The following KCNJ6 variants were observed in gnomAD, a reference collection of about 807,000 sequenced individuals.
The protein encoded by KCNJ6 is potassium inwardly rectifying channel subfamily J member 6.
Under a neutral mutation model 34.2 loss-of-function variants are expected in KCNJ6, and 9 were observed. The observed-to-expected ratio is 0.26, with a 90% confidence interval of 0.16 to 0.46. KCNJ6 has a LOEUF of 0.46. KCNJ6 is among the 20% of genes least tolerant of loss of function. The pLI is 1.00. For synonymous variants in KCNJ6, 196 were observed against 207.1 expected, an observed-to-expected ratio of 0.95 and a Z score of 0.46; for missense variants, 236 against 531.3, an observed-to-expected ratio of 0.44 and a Z score of 5.46.
rs888262793 is a variant in KCNJ6, at chr21:37,613,550, A to C, written c.*11609T>G. 4 of 152,218 alleles carry C rather than the reference A, an allele frequency of 2.6e-5. No individual in the cohort carries two copies. Among genetic ancestry groups the C allele is most frequent in the African/African-American group, 9.6e-5 (4 of 41,454 alleles). The allele number at this position is 152,218 out of a possible 1,614,324, so 9.4% of individuals were successfully genotyped here. On this transcript the variant is annotated 3_prime_UTR_variant, in exon 4 of 4. Coordinates refer to ENST00000609713, the MANE Select transcript of KCNJ6 (RefSeq NM_002240.5). The stretch of plus-strand genomic sequence containing the variant: ...TCAGTAGGTGAATGGATAAATAAAC[A>C]GTGGTACATCCAGAAAATGGATGAG...
intron 2 of KCNJ6, among the ~76,000 whole-genome samples, chr21:37,723,812 G>A (rs151077241): frequency 5.3e-5 from 8 of 152,182 alleles, no homozygotes; most frequent in Admixed American, 2.0e-4. Flanking sequence ...TTGGTACTAC[G>A]TTCACTAAAT....
At chr21:37,650,586 T>C (rs547757850) in intron 3 of KCNJ6, among the ~76,000 whole-genome samples, 1 of 152,290 alleles carries the variant, frequency 6.6e-6, no homozygotes, top group Non-Finnish European at 1.5e-5. Flanking sequence ...TTCTATCCAG[T>C]GGTTTTAGGA....
chr21:37,807,680 C>T (rs1302634842), intron 2 of KCNJ6, among the ~76,000 whole-genome samples: 1 of 152,240 alleles, frequency 6.6e-6, no homozygotes, highest in Non-Finnish European at 1.5e-5. Flanking sequence ...AGGTGAGTAG[C>T]AGGCTATGCC....
At chr21:37,768,772 CA>C (rs1214749148) in intron 2 of KCNJ6, among the ~76,000 whole-genome samples, 5 of 152,236 alleles carry the variant, frequency 3.3e-5, no homozygotes, top group Non-Finnish European at 7.3e-5. Flanking sequence ...AATTTACATA[CA>C]GCATTTTTCT....
intron 3 of KCNJ6, among the ~76,000 whole-genome samples, chr21:37,674,167 A>G (rs1386627852): frequency 2.6e-5 from 4 of 152,152 alleles, no homozygotes; most frequent in Admixed American, 1.3e-4. Flanking sequence ...CCTGTCCCCA[A>G]TGTCAGCTCT....
chr21:37,667,822 GC>G lies in KCNJ6; in HGVS notation c.947-42339del, dbSNP rs572074135. Among the ~76,000 whole-genome samples, 84 of 152,140 alleles carry G rather than the reference GC, an allele frequency of 5.5e-4. 3 individuals are homozygous for G. In the East Asian group the frequency reaches 0.015, roughly 28 times the overall value. ...CTCTGTCTCCCGGGGGACAAAACTTGCCCTTGACTGAGAACCACTGTCCTAG... is the reference window on the plus strand; with the variant it reads ...CTCTGTCTCCCGGGGGACAAAACTTGCCTTGACTGAGAACCACTGTCCTAG... On this transcript the variant is annotated intron_variant, in intron 3 of 3. Transcript: ENST00000609713.
rs1170067153 is a variant in KCNJ6, at chr21:37,714,710, T to C, written c.447A>G (p.Thr149=). 4.3e-6 allele frequency: 7 copies of C among 1,614,156 alleles called. No homozygotes were observed. Among genetic ancestry groups the C allele is most frequent in the Non-Finnish European group, 5.9e-6 (7 of 1,180,018 alleles). ...FVSAFLFSIE[T]ETTIGYGYRV... ...GGTAGCCATAACCAATGGTGGTTTC[T>C]GTCTCTATTGAGAATAAAAAAGCAG... is the stretch of plus-strand genomic sequence containing the variant. The change falls in exon 3 of 4, where the codon ACA becomes ACG. Residue 149 remains threonine, a synonymous_variant. Transcript: ENST00000609713. The surrounding 1 kb of genome is among the most constrained non-coding windows in gnomAD (Gnocchi z 5.9).
At chr21:37,650,508 G>A (rs1441702852) in intron 3 of KCNJ6, among the ~76,000 whole-genome samples, 1 of 152,176 alleles carries the variant, frequency 6.6e-6, no homozygotes, top group Non-Finnish European at 1.5e-5. Flanking sequence ...GATGGCCACA[G>A]CCTCCTCACT....
At chr21:37,824,148 C>A (rs939097555) in intron 2 of KCNJ6, among the ~76,000 whole-genome samples, 117 of 152,092 alleles carry the variant, frequency 7.7e-4, no homozygotes, top group African/African-American at 2.7e-3. Context: ...GTTCTTGACA[C>A]AAAAAATGCA....
In KCNJ6 at chr21:37,615,875, G is replaced by A. The variant is rs988659479; in HGVS notation, c.*9284C>T. The stretch of plus-strand genomic sequence containing the variant: ...TTTTGAAAATTTTTTAAAGGCAAAT[G>A]TGACTGGAGTGTGGGCATGAGTGTG... On this transcript the variant is annotated 3_prime_UTR_variant, in exon 4 of 4. Coordinates refer to ENST00000609713, the MANE Select transcript of KCNJ6 (RefSeq NM_002240.5). 6.6e-6 allele frequency: 1 copy of A among 152,220 alleles called. No individual in the cohort carries two copies. Among genetic ancestry groups the A allele is most frequent in the African/African-American group, 2.4e-5 (1 of 41,454 alleles). The allele number at this position is 152,220 out of a possible 1,614,324, so 9.4% of individuals were successfully genotyped here.
intron 2 of KCNJ6, among the ~76,000 whole-genome samples, chr21:37,807,281 T>C (rs1286606244): frequency 6.6e-6 from 1 of 152,230 alleles, no homozygotes; most frequent in Non-Finnish European, 1.5e-5. Flanking sequence ...GTTATTCCAT[T>C]TTTCCATGGT....
intron 1 of KCNJ6, among the ~76,000 whole-genome samples, chr21:37,854,250 C>A (rs1184907665): frequency 6.6e-6 from 1 of 150,848 alleles, no homozygotes; most frequent in Non-Finnish European, 1.5e-5. Context: ...AAAGATGTAC[C>A]ACACAAGCAT....
intron 3 of KCNJ6, among the ~76,000 whole-genome samples, chr21:37,697,281 C>T (rs1208011916): frequency 6.6e-6 from 1 of 152,140 alleles, no homozygotes; most frequent in African/African-American, 2.4e-5. Flanking sequence ...GGAGGGAGCA[C>T]AGGATTGGCT....
intron 1 of KCNJ6, among the ~76,000 whole-genome samples, chr21:37,848,555 A>G (rs2055521772): frequency 6.6e-6 from 1 of 152,180 alleles, no homozygotes; most frequent in African/African-American, 2.4e-5. Flanking sequence ...CTGGTTCCTT[A>G]TGCTGCCACC....
At position 37,618,611 on chromosome 21, in the gene KCNJ6, A is replaced by T. The variant is rs571127195; in HGVS notation, c.*6548T>A. 2.6e-5 allele frequency: 4 copies of T among 152,212 alleles called. No homozygotes were observed. Among genetic ancestry groups the T allele is most frequent in the Non-Finnish European group, 4.4e-5 (3 of 68,046 alleles). The allele number at this position is 152,212 out of a possible 1,614,324, so 9.4% of individuals were successfully genotyped here. On this transcript the variant is annotated 3_prime_UTR_variant, in exon 4 of 4. Coordinates refer to ENST00000609713, the MANE Select transcript of KCNJ6 (RefSeq NM_002240.5). ...GGGCAATTACACAAAGTCGGTAGGAACATTTCATTCTCTGAAATCAAGATC... is the reference window on the plus strand; with the variant it reads ...GGGCAATTACACAAAGTCGGTAGGATCATTTCATTCTCTGAAATCAAGATC...
intron 3 of KCNJ6, among the ~76,000 whole-genome samples, chr21:37,650,836 C>G (rs905367166): frequency 6.6e-6 from 1 of 152,216 alleles, no homozygotes; most frequent in Non-Finnish European, 1.5e-5. Context: ...CCACCCTCAT[C>G]TCCTAATCAG....
intron 3 of KCNJ6, among the ~76,000 whole-genome samples, chr21:37,670,418 C>A (rs565819597): frequency 6.6e-6 from 1 of 152,124 alleles, no homozygotes; most frequent in Non-Finnish European, 1.5e-5. Flanking sequence ...GGAATTTTGG[C>A]AGGGATAACA....
chr21:37,626,886 CAT>C (rs2054313717), intron 3 of KCNJ6, among the ~76,000 whole-genome samples: 1 of 152,118 alleles, frequency 6.6e-6, no homozygotes, highest in Non-Finnish European at 1.5e-5. Context: ...TAACTTAAAA[CAT>C]TTTTTTAATG....
intron 2 of KCNJ6, among the ~76,000 whole-genome samples, chr21:37,806,719 A>G (rs987715166): frequency 7.2e-5 from 11 of 152,352 alleles, no homozygotes; most frequent in African/African-American, 2.4e-4. Context: ...AAATATAAAC[A>G]TTTTCTGTGA....
Sources: gnomAD v4.1 joint callset for allele counts (sites outside exome capture counted in the v4.1 genomes callset) on GRCh38, gnomAD v4.1.1 for gene constraint, Gnocchi (gnomAD v3.1) non-coding constraint, MANE v1.5 for transcripts, NCBI Gene and HGNC (gene_info 2026-07-23, HGNC 2026-07-21) for gene names.